SSH2: variants seen among roughly 807,000 people sequenced by gnomAD.
SSH2 encodes the protein slingshot protein phosphatase 2, also known as protein phosphatase Slingshot homolog 2.
Under a neutral mutation model 135.2 loss-of-function variants are expected in SSH2, and 37 were observed. The observed-to-expected ratio is 0.27, with a 90% CI of 0.21 to 0.36. The LOEUF is 0.36. Ranked by LOEUF, SSH2 falls within the 10% of genes least tolerant of loss-of-function variation. The pLI, the probability that SSH2 is intolerant of heterozygous loss-of-function variation, is 1.00. For synonymous variants in SSH2, 628 were observed against 646.2 expected (o/e 0.97, Z 0.43); for missense variants, 1,408 against 1,765.3 (o/e 0.80, Z 3.63).
intron 2 of SSH2, among the ~76,000 whole-genome samples, chr17:29,833,454 A>G (rs1448191039): frequency 2.0e-5 from 3 of 151,738 alleles, no homozygotes; most frequent in Non-Finnish European, 4.4e-5. Context: ...CCATTCCTTT[A>G]TCTTTAGTCT....
At chr17:29,734,667 C>G (rs1463009046) in intron 3 of SSH2, among the ~76,000 whole-genome samples, 1 of 152,174 alleles carries the variant, frequency 6.6e-6, no homozygotes, top group Non-Finnish European at 1.5e-5. Flanking sequence ...TGGAATAGTT[C>G]AAGCACTAGC....
At chr17:29,768,630 T>C (rs574812010) in intron 3 of SSH2, among the ~76,000 whole-genome samples, 1 of 152,316 alleles carries the variant, frequency 6.6e-6, no homozygotes, top group East Asian at 1.9e-4. Context: ...CAGAAAATTT[T>C]AAAATTATTT....
chr17:29,882,091 C>T (rs1724132819), intron 1 of SSH2, among the ~76,000 whole-genome samples: 1 of 152,308 alleles, frequency 6.6e-6, no homozygotes, highest in African/African-American at 2.4e-5. Flanking sequence ...TCCTATTATA[C>T]AATGCCAGTC....
intron 6 of SSH2, among the ~76,000 whole-genome samples, chr17:29,680,104 G>A (rs562160714): frequency 6.6e-6 from 1 of 152,206 alleles, no homozygotes; most frequent in East Asian, 1.9e-4. Flanking sequence ...TGTAATGGGT[G>A]CTCTAATATA....
At chr17:29,706,492 C>T (rs915363460) in intron 3 of SSH2, among the ~76,000 whole-genome samples, 1 of 152,112 alleles carries the variant, frequency 6.6e-6, no homozygotes, top group African/African-American at 2.4e-5. Flanking sequence ...TTGTTACAAC[C>T]GTGGTGTTCA....
chr17:29,794,659 T>A (rs2042127248), intron 2 of SSH2, among the ~76,000 whole-genome samples: 1 of 152,200 alleles, frequency 6.6e-6, no homozygotes. Flanking sequence ...TTCTTCTTAG[T>A]GTGGCACATA....
In SSH2 at chr17:29,630,808, T is replaced by A. The variant is rs2035631240; in HGVS notation, c.*33A>T. 1 of 1,509,598 alleles carries A rather than the reference T, an allele frequency of 6.6e-7. No homozygotes were observed. The highest frequency in any genetic ancestry group is 8.9e-7 in the Non-Finnish European group (1 of 1,127,370). The allele number at this position is 1,509,598 out of a possible 1,614,324, so 93.5% of individuals were successfully genotyped here. ...TTACACCTGCCCCTTTTACAAACAT[T>A]TCTTCTAGAAAGTCACATGTGTAGG... On this transcript the variant is annotated 3_prime_UTR_variant, in exon 16 of 16. Transcript: ENST00000540801.
chr17:29,719,767 C>CT (rs1289792684), intron 3 of SSH2, among the ~76,000 whole-genome samples: 1 of 152,046 alleles, frequency 6.6e-6, no homozygotes, highest in Non-Finnish European at 1.5e-5. Flanking sequence ...TTCTTTTCTT[C>CT]TTTTTTGAGA....
chr17:29,893,852 A>G lies in SSH2; in HGVS notation c.63+36086T>C, dbSNP rs149012956. Among the ~76,000 whole-genome samples, 703 of 152,234 alleles carry G rather than the reference A, an allele frequency of 4.6e-3. 4 individuals are homozygous for G. Among genetic ancestry groups the G allele is most frequent in the African/African-American group, 0.016 (680 of 41,542 alleles). ...ACTATTAAATTCTTCCATCCCTTTT[A>G]AAGAACTATCTTAAATAACAAATTG... On this transcript the variant is annotated intron_variant, in intron 1 of 15. Transcript: ENST00000540801.
At chr17:29,745,396 G>GT (rs1332393770) in intron 3 of SSH2, among the ~76,000 whole-genome samples, 4 of 152,170 alleles carry the variant, frequency 2.6e-5, no homozygotes, top group Non-Finnish European at 5.9e-5. Context: ...CTGAACTCAA[G>GT]TGACCCGCCT....
chr17:29,871,971 A>G (rs905223575), intron 1 of SSH2, among the ~76,000 whole-genome samples: 2 of 152,220 alleles, frequency 1.3e-5, no homozygotes, highest in East Asian at 3.8e-4. Context: ...ATTGTAGAAC[A>G]CTGAAATGAG....
intron 1 of SSH2, chr17:29,863,504 C>T (rs950565743): frequency 1.3e-5 from 2 of 152,104 alleles, no homozygotes; most frequent in African/African-American, 4.8e-5. Context: ...AACAAACTGC[C>T]CTTTCTATGC....
At chr17:29,753,562 C>T (rs988296689) in intron 3 of SSH2, among the ~76,000 whole-genome samples, 2 of 150,950 alleles carry the variant, frequency 1.3e-5, no homozygotes, top group African/African-American at 2.4e-5. Context: ...TTTGGGAGGC[C>T]GAGGCAGGTG....
intron 4 of SSH2, among the ~76,000 whole-genome samples, chr17:29,701,193 G>C (rs1025728416): frequency 6.6e-6 from 1 of 151,870 alleles, no homozygotes; most frequent in East Asian, 1.9e-4. Context: ...GGATGGTCTC[G>C]ATCTCCTGAC....
At chr17:29,859,507 C>T (rs1167010143) in intron 1 of SSH2, among the ~76,000 whole-genome samples, 1 of 152,240 alleles carries the variant, frequency 6.6e-6, no homozygotes, top group East Asian at 1.9e-4. Context: ...TCCATGTGTT[C>T]TCATCATTTA....
At chr17:29,648,085 C>A in intron 14 of SSH2, 59 bp downstream of exon 14, 1 of 1,508,716 alleles carries the variant, frequency 6.6e-7, no homozygotes, top group Non-Finnish European at 9.2e-7. Context: ...GAGAAGGACA[C>A]TTCATCTTGC....
intron 11 of SSH2, among the ~76,000 whole-genome samples, chr17:29,664,375 A>G (rs80056019): frequency 0.013 from 1,964 of 147,508 alleles, 23 homozygotes; most frequent in Middle Eastern, 0.049. Context: ...TCCGTCTCCA[A>G]AAAAAAAAAA....
At chr17:29,784,386 A>C (rs1346037875) in intron 3 of SSH2, among the ~76,000 whole-genome samples, 1 of 29,856 alleles carries the variant, frequency 3.3e-5, no homozygotes, top group Admixed American at 2.4e-4. Flanking sequence ...TTCCATCTCA[A>C]AAAAAAAAAA....
At chr17:29,702,523 C>T (rs541113010) in intron 4 of SSH2, among the ~76,000 whole-genome samples, 11 of 148,340 alleles carry the variant, frequency 7.4e-5, no homozygotes, top group East Asian at 4.1e-4. Context: ...GGCGTGGTGG[C>T]GGGCGCCTGT....
Sources: allele counts gnomAD v4.1 joint callset (sites outside exome capture counted in the v4.1 genomes callset), GRCh38; gene constraint gnomAD v4.1.1; transcripts MANE v1.5; gene names NCBI Gene and HGNC (gene_info 2026-07-23, HGNC 2026-07-21).